The following EXTL3 variants were observed in gnomAD, a reference collection of about 807,000 sequenced individuals.
EXTL3 encodes exostosin-like 3.
Under a neutral mutation model 69.3 loss-of-function variants are expected in EXTL3, and 27 were observed. That is an observed-to-expected ratio of 0.39 (90% CI 0.29 to 0.54). EXTL3 has a LOEUF of 0.54. Among genes scored for constraint, EXTL3 ranks in the 20% least tolerant of loss-of-function variants. EXTL3 has a pLI of 0.69. For missense variants in EXTL3, 1,003 were observed against 1,231.8 expected (o/e 0.81, Z 2.78); for synonymous variants, 511 against 499.4 (o/e 1.02, Z -0.31).
chr8:28,636,983 AAAAG>A (rs1330161778), intron 1 of EXTL3, among the ~76,000 whole-genome samples: 6 of 151,536 alleles, frequency 4.0e-5, no homozygotes, highest in African/African-American at 7.3e-5. Context: ...CTGTCTCAGA[AAAAG>A]AAAGAAAGAA....
chr8:28,742,044 T>G (rs984905597), intron 5 of EXTL3: 7 of 152,222 alleles, frequency 4.6e-5, no homozygotes, highest in Non-Finnish European at 1.0e-4. Context: ...GTATAAATAC[T>G]CTTACCTTGG....
At chr8:28,731,890 A>G (rs2130773794) in intron 4 of EXTL3, among the ~76,000 whole-genome samples, 1 of 152,200 alleles carries the variant, frequency 6.6e-6, no homozygotes, top group Middle Eastern at 3.4e-3. Flanking sequence ...GGTAATGATG[A>G]TGATGATGAT....
At chr8:28,652,781 T>G (rs1806948258) in intron 1 of EXTL3, among the ~76,000 whole-genome samples, 1 of 152,222 alleles carries the variant, frequency 6.6e-6, no homozygotes, top group African/African-American at 2.4e-5. Flanking sequence ...GAGCATCTTT[T>G]CCTGTGTTTA....
chr8:28,641,883 T>C (rs951891982), intron 1 of EXTL3, among the ~76,000 whole-genome samples: 7 of 152,192 alleles, frequency 4.6e-5, no homozygotes, highest in African/African-American at 1.7e-4. Flanking sequence ...TCACCCAGGC[T>C]GGAGTGCAGT....
intron 1 of EXTL3, among the ~76,000 whole-genome samples, chr8:28,681,632 C>A (rs934323239): frequency 6.6e-6 from 1 of 152,178 alleles, no homozygotes; most frequent in African/African-American, 2.4e-5. Context: ...CTTTAACATG[C>A]TGATTTCATT....
intron 4 of EXTL3, among the ~76,000 whole-genome samples, chr8:28,736,724 A>G (rs1801659406): frequency 6.6e-6 from 1 of 152,246 alleles, no homozygotes; most frequent in Admixed American, 6.5e-5. Context: ...AAAGTGTGCA[A>G]TATATGTAAA....
intron 1 of EXTL3, among the ~76,000 whole-genome samples, chr8:28,680,275 C>T (rs940850450): frequency 5.9e-5 from 9 of 151,338 alleles, no homozygotes; most frequent in Non-Finnish European, 1.2e-4. Context: ...CCTGTAATCC[C>T]AGCTACTCCG....
At chr8:28,738,973 C>T (rs1801716957) in intron 5 of EXTL3, among the ~76,000 whole-genome samples, 1 of 152,220 alleles carries the variant, frequency 6.6e-6, no homozygotes, top group African/African-American at 2.4e-5. Context: ...TCCCACCACT[C>T]TCTCTGCATG....
chr8:28,723,021 G>A (rs990672428), intron 3 of EXTL3, among the ~76,000 whole-genome samples: 1 of 152,132 alleles, frequency 6.6e-6, no homozygotes, highest in East Asian at 1.9e-4. Flanking sequence ...TGGGGACTCC[G>A]CCTCTCAGGC....
intron 1 of EXTL3, among the ~76,000 whole-genome samples, chr8:28,692,951 T>C (rs879331710): frequency 6.6e-6 from 1 of 152,178 alleles, no homozygotes; most frequent in Non-Finnish European, 1.5e-5. Context: ...TGTGACATGT[T>C]GCGTCTAACT....
chr8:28,670,038 G>C (rs1055080826), intron 1 of EXTL3, among the ~76,000 whole-genome samples: 6 of 151,834 alleles, frequency 4.0e-5, no homozygotes, highest in African/African-American at 1.2e-4. Context: ...GCAAAACCCC[G>C]TCTCGACCAA....
intron 5 of EXTL3, chr8:28,742,396 A>C (rs1197092189): frequency 6.4e-6 from 1 of 155,064 alleles, no homozygotes; most frequent in Non-Finnish European, 1.4e-5. Context: ...CAGTCTGAGA[A>C]CTTTGCCTTT....
At position 28,716,401 on chromosome 8, in the gene EXTL3, C is replaced by A. The variant is rs538331636; in HGVS notation, c.342C>A (p.Ile114=). ...AGATCGCCAAGCTGAATCTGAAGAT[C>A]GAAGCCTGTAAGAAGAGCATTGAGA... The part of the protein sequence containing the change: ...NSEIAKLNLK[I]EACKKSIENA... Residue 114 remains isoleucine, a synonymous_variant, in exon 3 of 7, where the codon ATC becomes ATA. Transcript: ENST00000220562. The surrounding 1 kb of genome is among the most constrained non-coding windows in gnomAD (Gnocchi z 7.1). 11 of 1,613,788 alleles carry A rather than the reference C, an allele frequency of 6.8e-6. No homozygotes were observed. The highest frequency in any genetic ancestry group is 9.3e-6 in the Non-Finnish European group (11 of 1,179,972).
intron 1 of EXTL3, among the ~76,000 whole-genome samples, chr8:28,685,115 C>G (rs1300568570): frequency 6.6e-6 from 1 of 151,962 alleles, no homozygotes; most frequent in East Asian, 1.9e-4. Context: ...CCACGCCTAG[C>G]TAATTTTTAT....
chr8:28,718,319 A>C (rs775495979), intron 3 of EXTL3, 112 bp downstream of exon 3: 2 of 1,021,556 alleles, frequency 2.0e-6, no homozygotes, highest in African/African-American at 3.2e-5. Flanking sequence ...AGGAGAATAC[A>C]TGCATACTCA....
chr8:28,684,380 T>TCG (rs1242141146), intron 1 of EXTL3, among the ~76,000 whole-genome samples: 5 of 152,214 alleles, frequency 3.3e-5, no homozygotes, highest in Non-Finnish European at 2.9e-5. Flanking sequence ...GTACTATCTA[T>TCG]CATCAGTGCT....
rs1258541221 is a variant in EXTL3 at position 28,702,241 on chromosome 8, A to C, written c.-570+582A>C. On this transcript the variant is annotated intron_variant, in intron 1 of 6. Coordinates refer to ENST00000220562, the MANE Select transcript of EXTL3 (RefSeq NM_001440.4). ...GGGCTCGCCTCCTTTCAGGAGCCAC[A>C]GTCAGAGGAGCCGCTTCCTGTCCGA... Among the ~76,000 whole-genome samples, 5 of 152,124 alleles carry C rather than the reference A, an allele frequency of 3.3e-5. No homozygotes were observed. The East Asian group carries it at 7.8e-4, about 24-fold the overall frequency.
At chr8:28,644,312 T>C (rs753309536) in intron 1 of EXTL3, among the ~76,000 whole-genome samples, 18 of 152,190 alleles carry the variant, frequency 1.2e-4, no homozygotes, top group Non-Finnish European at 2.5e-4. Flanking sequence ...CTTTTTTTCT[T>C]TTTTGCTAGT....
intron 2 of EXTL3, among the ~76,000 whole-genome samples, chr8:28,614,273 T>C (rs1037672762): frequency 9.0e-6 from 1 of 111,466 alleles, no homozygotes; most frequent in African/African-American, 5.6e-5. Flanking sequence ...GGTTTTTTGC[T>C]TTTTTTTTTT....
Sources: gnomAD v4.1 joint callset for allele counts (sites outside exome capture counted in the v4.1 genomes callset) on GRCh38, gnomAD v4.1.1 for gene constraint, Gnocchi (gnomAD v3.1) non-coding constraint, MANE v1.5 for transcripts, NCBI Gene and HGNC (gene_info 2026-07-23, HGNC 2026-07-21) for gene names.